Variants in DISP1 observed in about 807,000 individuals in gnomAD.
DISP1 encodes the protein dispatched RND transporter family member 1, also known as protein dispatched homolog 1.
DISP1 carries 30 observed loss-of-function variants against 37.3 expected under a neutral mutation model. The observed-to-expected ratio is 0.80, with a 90% CI of 0.60 to 1.09. The LOEUF (loss-of-function observed/expected upper bound fraction) is 1.09, where lower values mean the gene tolerates loss of function less well. Ranked by LOEUF, DISP1 falls within the 50% of genes least tolerant of loss-of-function variation. DISP1 has a pLI of 0.00. For missense variants in DISP1, 1,598 were observed against 1,879.5 expected, an observed-to-expected ratio of 0.85 and a Z score of 2.77; for synonymous variants, 634 against 690.2, an observed-to-expected ratio of 0.92 and a Z score of 1.28.
At chr1:222,816,204 G>A (rs952027612) in intron 1 of DISP1, among the ~76,000 whole-genome samples, 2 of 151,582 alleles carry the variant, frequency 1.3e-5, no homozygotes, top group Non-Finnish European at 2.9e-5. Flanking sequence ...GCCAGTGTTT[G>A]GTATGTGGGC....
chr1:222,860,871 T>C (rs1668842547), intron 1 of DISP1, among the ~76,000 whole-genome samples: 1 of 151,460 alleles, frequency 6.6e-6, no homozygotes. Flanking sequence ...AGACTTTGTC[T>C]CAAAAAAAAC....
chr1:222,872,323 C>T (rs1669638383), intron 1 of DISP1: 1 of 152,156 alleles, frequency 6.6e-6, no homozygotes. Context: ...GGAGGATTCC[C>T]TCTTTTTCTA....
intron 1 of DISP1, among the ~76,000 whole-genome samples, chr1:222,886,512 A>G (rs189855070): frequency 4.8e-4 from 73 of 152,306 alleles, no homozygotes; most frequent in Admixed American, 1.3e-3. Context: ...AATAATACCT[A>G]CATTTCTTCC....
At chr1:222,870,634 G>A (rs1343736582) in intron 1 of DISP1, among the ~76,000 whole-genome samples, 1 of 152,090 alleles carries the variant, frequency 6.6e-6, no homozygotes, top group Admixed American at 6.5e-5. Flanking sequence ...TTTTGATGGG[G>A]TTGTTTGTTT....
In DISP1 at chr1:222,969,370, C is replaced by CAAAAAAAAAAAAAA. The variant is rs71178518; in HGVS notation, c.510-13706_510-13693dup. Among the ~76,000 whole-genome samples, 105 of 29,820 alleles carry CAAAAAAAAAAAAAA rather than the reference C, an allele frequency of 3.5e-3. 4 individuals are homozygous for CAAAAAAAAAAAAAA. The highest frequency in any genetic ancestry group is 6.3e-3 in the Admixed American group (10 of 1,582). The allele number at this position is 29,820 out of a possible 152,430, so 19.6% of individuals were successfully genotyped here. On this transcript the variant is annotated intron_variant, in intron 3 of 8. Transcript: ENST00000675850. ...GGGCAAAAAGAGTGAAACTTGGTCTCAAAAAAAAAAAAAAAAATTACAAAG... is the reference window on the plus strand; with the variant it reads ...GGGCAAAAAGAGTGAAACTTGGTCTCAAAAAAAAAAAAAAAAAAAAAAAAAAAAAAATTACAAAG...
At chr1:222,897,871 A>G (rs1435306614) in intron 1 of DISP1, among the ~76,000 whole-genome samples, 4 of 152,208 alleles carry the variant, frequency 2.6e-5, no homozygotes, top group Non-Finnish European at 2.9e-5. Flanking sequence ...ATGTAATGTA[A>G]AAACATGTAC....
At chr1:222,873,900 A>G (rs568467097) in intron 1 of DISP1, among the ~76,000 whole-genome samples, 225 of 152,256 alleles carry the variant, frequency 1.5e-3, no homozygotes, top group African/African-American at 5.2e-3. Context: ...ATGTTTTTGC[A>G]GTGGCTGGTA....
At chr1:222,965,302 AAT>A (rs1676397907) in intron 3 of DISP1, among the ~76,000 whole-genome samples, 1 of 152,328 alleles carries the variant, frequency 6.6e-6, no homozygotes, top group Admixed American at 6.5e-5. Context: ...AAAATATTGT[AAT>A]ATATGTCAAG....
chr1:222,824,158 G>A (rs1663682847), intron 1 of DISP1, among the ~76,000 whole-genome samples: 1 of 152,032 alleles, frequency 6.6e-6, no homozygotes, highest in Non-Finnish European at 1.5e-5. Flanking sequence ...TTTCAGAACA[G>A]TAATAAGTTT....
intron 3 of DISP1, among the ~76,000 whole-genome samples, chr1:222,953,640 C>T (rs953826547): frequency 6.6e-6 from 1 of 152,062 alleles, no homozygotes; most frequent in Non-Finnish European, 1.5e-5. Context: ...TTCACTGAAA[C>T]CAGGATTTAT....
chr1:222,868,369 TTATATATG>T (rs891983358), intron 1 of DISP1, among the ~76,000 whole-genome samples: 9 of 152,210 alleles, frequency 5.9e-5, no homozygotes, highest in Admixed American at 3.9e-4. Flanking sequence ...GTATATATGT[TTATATATG>T]TATATGTTTA....
chr1:222,975,169 G>T (rs1027099349), intron 3 of DISP1, among the ~76,000 whole-genome samples: 21 of 152,058 alleles, frequency 1.4e-4, no homozygotes, highest in Admixed American at 1.2e-3. Context: ...GGGACTACAG[G>T]TGCATGCCAC....
In DISP1 at chr1:222,936,590, GAGATATATATCTCTCAT is replaced by G. The variant is rs1163244180; in HGVS notation, c.-17-6215_-17-6199del. 1.4e-4 allele frequency among the ~76,000 whole-genome samples: 2 copies of G among 14,268 alleles called. 1 individual carries two copies. Among genetic ancestry groups the G allele is most frequent in the Non-Finnish European group, 2.8e-4 (2 of 7,182 alleles). 9.4% of individuals were successfully genotyped at this position (14,268 alleles called of 152,430 possible). A position where few individuals can be genotyped will look rare whatever the true frequency, so the allele number is the denominator to read the frequency against. On this transcript the variant is annotated intron_variant, in intron 2 of 8. Coordinates refer to ENST00000675850, the MANE Select transcript of DISP1 (RefSeq NM_001377229.1). The stretch of plus-strand genomic sequence containing the variant: ...TATATAATATATATCATATATATGA[GAGATATATATCTCTCAT>G]ATATATGAGATATATATATCTCTCA...
At position 223,005,384 on chromosome 1, in the gene DISP1, C is replaced by T. The variant is rs1307162113; in HGVS notation, c.3987C>T (p.Ile1329=). The part of the protein sequence containing the change: ...HQAVEGFVHP[I]THIHHCPCLQ... ...CTGTCGAGGGCTTTGTGCACCCCAT[C>T]ACGCACATCCACCACTGTCCCTGCC... Residue 1329 remains isoleucine (I), a synonymous_variant, in exon 9 of 9, where the codon ATC becomes ATT. Transcript: ENST00000675850. 2 of 1,613,252 alleles carry T rather than the reference C, an allele frequency of 1.2e-6. No individual in the cohort carries two copies. The highest frequency in any genetic ancestry group is 1.3e-5 in the African/African-American group (1 of 74,926).
Position 223,004,107 on chromosome 1 carries a change from C to A in DISP1, c.2710C>A (p.His904Asn), listed in dbSNP as rs1298800689. The A allele has an allele frequency of 6.2e-7, 1 of 1,613,990 alleles. No individual in the cohort carries two copies. The highest frequency in any genetic ancestry group is 8.5e-7 in the Non-Finnish European group (1 of 1,180,030). Reference sequence around the variant, plus strand: ...GGAGCTGGAAAGGAGTACAGGGTACCATTTGGATAGCAAAACCCCAGGGCC... The same window carrying A: ...GGAGCTGGAAAGGAGTACAGGGTACAATTTGGATAGCAAAACCCCAGGGCC... ...IMELERSTGY[H>N]LDSKTPGPRF... The change falls in exon 9 of 9, where the codon CAT becomes AAT. Residue 904 changes from histidine (H) to asparagine (N), a missense_variant. By Grantham distance (68) the His-to-Asn change is moderately conservative. Coordinates refer to ENST00000675850, the MANE Select transcript of DISP1 (RefSeq NM_001377229.1). This position sits in a 1 kb window ranked among gnomAD's most constrained non-coding sequence, Gnocchi z 4.9.
At chr1:222,981,374 T>A (rs1192627602) in intron 3 of DISP1, among the ~76,000 whole-genome samples, 1 of 152,228 alleles carries the variant, frequency 6.6e-6, no homozygotes, top group African/African-American at 2.4e-5. Flanking sequence ...ATATATTCCC[T>A]AAAATTCTTT....
chr1:222,891,742 A>T (rs9441851), intron 1 of DISP1, among the ~76,000 whole-genome samples: 17,998 of 152,066 alleles, frequency 0.12, 1,157 homozygotes, highest in African/African-American at 0.14. Flanking sequence ...ATCTGATCTC[A>T]TTTGCCAGTT....
chr1:222,874,370 T>A (rs1370769117), intron 1 of DISP1, among the ~76,000 whole-genome samples: 1 of 152,212 alleles, frequency 6.6e-6, no homozygotes, highest in Non-Finnish European at 1.5e-5. Flanking sequence ...TGCAGAGTGT[T>A]TTCCAACTTG....
chr1:222,879,786 A>G (rs1670173773), intron 1 of DISP1, among the ~76,000 whole-genome samples: 1 of 152,162 alleles, frequency 6.6e-6, no homozygotes, highest in African/African-American at 2.4e-5. Context: ...CATTAAAAAG[A>G]ATTTAATTTC....
Sources: allele counts gnomAD v4.1 joint callset (sites outside exome capture counted in the v4.1 genomes callset), GRCh38; gene constraint gnomAD v4.1.1; non-coding constraint Gnocchi (gnomAD v3.1); transcripts MANE v1.5; gene names NCBI Gene and HGNC (gene_info 2026-07-23, HGNC 2026-07-21).